Variants in SDHB observed in about 807,000 individuals in gnomAD.
SDHB encodes succinate dehydrogenase complex iron sulfur subunit B, also known as succinate dehydrogenase [ubiquinone] iron-sulfur subunit, mitochondrial.
SDHB carries 21 observed loss-of-function variants against 39.7 expected under a neutral mutation model. That is an observed-to-expected ratio of 0.53 (90% CI 0.37 to 0.76). SDHB has a LOEUF of 0.76. Ranked by LOEUF, SDHB falls within the 30% of genes least tolerant of loss-of-function variation. The pLI, the probability that SDHB is intolerant of heterozygous loss-of-function variation, is 0.00. For missense variants in SDHB, 343 were observed against 350.9 expected (o/e 0.98, Z 0.18); for synonymous variants, 118 against 117.0 (o/e 1.01, Z -0.06).
Position 17,051,705 on chromosome 1 carries a change from G to A in SDHB, c.72+2243C>T, listed in dbSNP as rs1397489054. ...TCATAAGATAACCCGGGGGAGGGGG[G>A]GTCAAGTTTCTAGCATAGCCCAGAA... is the stretch of plus-strand genomic sequence containing the variant. On this transcript the variant is annotated intron_variant, in intron 1 of 7. Coordinates refer to ENST00000375499, the MANE Select transcript of SDHB (RefSeq NM_003000.3). Among the ~76,000 whole-genome samples the A allele has an allele frequency of 2.4e-4, 36 of 150,864 alleles. 1 individual carries two copies. The highest frequency in any genetic ancestry group is 6.6e-5 in the Admixed American group (1 of 15,080).
chr1:17,041,493 A>G (rs1314537359), intron 2 of SDHB, among the ~76,000 whole-genome samples: 4 of 152,044 alleles, frequency 2.6e-5, no homozygotes, highest in Non-Finnish European at 1.5e-5. Context: ...AACATGGCGA[A>G]ACCCCAACTC....
intron 2 of SDHB, among the ~76,000 whole-genome samples, chr1:17,041,102 CCTGGATGACAGAGCAAGACTCCGTCTCA>C (rs2078077690): frequency 6.6e-6 from 1 of 151,828 alleles, no homozygotes; most frequent in Admixed American, 6.6e-5. Context: ...TGCACTCCAG[CCTGGATGACAGAGCAAGACTCCGTCTCA>C]AGAAACAAAC....
chr1:17,033,209 T>C (rs41310418), intron 2 of SDHB, 64 bp from the exon 3 acceptor site: 24 of 1,255,602 alleles, frequency 1.9e-5, no homozygotes, highest in Non-Finnish European at 2.6e-5. Context: ...TTTATCATAA[T>C]ATAATCGGAG....
chr1:17,028,326 G>C (rs896838035), intron 4 of SDHB, among the ~76,000 whole-genome samples: 1 of 152,154 alleles, frequency 6.6e-6, no homozygotes, highest in Non-Finnish European at 1.5e-5. Context: ...TGAGCTGCTG[G>C]AGGATTTTCT....
At chr1:17,022,565 T>G (rs752795496) in intron 7 of SDHB, 43 bp downstream of exon 7, 20 of 1,611,098 alleles carry the variant, frequency 1.2e-5, no homozygotes, top group Non-Finnish European at 1.7e-5. Flanking sequence ...ACTTCTGGCG[T>G]GTCAGCTCTG....
intron 1 of SDHB, among the ~76,000 whole-genome samples, chr1:17,050,174 A>T (rs1019698807): frequency 6.6e-6 from 1 of 152,322 alleles, no homozygotes; most frequent in East Asian, 1.9e-4. Flanking sequence ...AGTTTGTATT[A>T]GAGCTAATTT....
intron 1 of SDHB, among the ~76,000 whole-genome samples, chr1:17,051,336 G>A (rs2078146157): frequency 6.6e-6 from 1 of 152,284 alleles, no homozygotes; most frequent in African/African-American, 2.4e-5. Context: ...TTTAAGCAAG[G>A]TAAGCAACAA....
intron 3 of SDHB, among the ~76,000 whole-genome samples, chr1:17,031,835 A>G (rs1219329934): frequency 6.6e-5 from 10 of 152,088 alleles, no homozygotes; most frequent in Non-Finnish European, 1.5e-4. Flanking sequence ...TCAGTGCCTG[A>G]GAGAGCAGAT....
chr1:17,044,355 C>T (rs2078096903), intron 2 of SDHB, among the ~76,000 whole-genome samples: 1 of 147,864 alleles, frequency 6.8e-6, no homozygotes, highest in Non-Finnish European at 1.5e-5. Flanking sequence ...GACAGAGTCT[C>T]ACTCTGTTGC....
At chr1:17,028,870 C>T (rs2078006324) in intron 3 of SDHB, 134 bp from the exon 4 acceptor site, 3 of 1,097,850 alleles carry the variant, frequency 2.7e-6, no homozygotes, top group Non-Finnish European at 2.7e-6. Flanking sequence ...GACAGAGGTG[C>T]CTGTTGGCTT....
intron 5 of SDHB, 49 bp downstream of exon 5, chr1:17,027,700 T>A: frequency 8.9e-7 from 1 of 1,126,762 alleles, no homozygotes; most frequent in Non-Finnish European, 1.4e-6. Context: ...CTGGCAATCA[T>A]CTTTGCAATA....
At chr1:17,022,859 C>G in intron 6 of SDHB, 129 bp from the exon 7 acceptor site, 1 of 1,139,542 alleles carries the variant, frequency 8.8e-7, no homozygotes, top group Non-Finnish European at 1.3e-6. Flanking sequence ...TCTCCATACT[C>G]TTTAATTCTT....
Position 17,024,069 on chromosome 1 carries a change from C to T in SDHB, c.546G>A (p.Gly182=). The T allele has an allele frequency of 6.2e-7, 1 of 1,612,250 alleles. No individual in the cohort carries two copies. Among genetic ancestry groups the T allele is most frequent in the Non-Finnish European group, 8.5e-7 (1 of 1,179,108 alleles). Residue 182 remains glycine (G), a synonymous_variant, in exon 6 of 8, where the codon GGG becomes GGA. Coordinates refer to ENST00000375499, the MANE Select transcript of SDHB (RefSeq NM_003000.3). ...QSIEEREKLD[G]LYECILCACC... ...AGGCACAGAGAATGCACTCGTAGAG[C>T]CCGTCCTGTATGGGGAGAAAAGAGA...
intron 7 of SDHB, 151 bp downstream of exon 7, chr1:17,022,457 C>G (rs1327720859): frequency 9.1e-7 from 1 of 1,104,952 alleles, no homozygotes; most frequent in African/African-American, 1.5e-5. Context: ...CAAACTAGCC[C>G]CTAGGCTCAC....
chr1:17,053,555 C>A (rs948764281), intron 1 of SDHB, among the ~76,000 whole-genome samples: 4 of 152,158 alleles, frequency 2.6e-5, no homozygotes, highest in Non-Finnish European at 5.9e-5. Context: ...ATCCTTCACA[C>A]CCCGCAGGTC....
At chr1:17,019,314 A>G (rs2077948230) in intron 7 of SDHB, among the ~76,000 whole-genome samples, 1 of 152,232 alleles carries the variant, frequency 6.6e-6, no homozygotes, top group Non-Finnish European at 1.5e-5. Flanking sequence ...TCAGCCAGAC[A>G]TCTCTAAATC....
chr1:17,053,432 C>A (rs2078159462), intron 1 of SDHB, among the ~76,000 whole-genome samples: 1 of 152,098 alleles, frequency 6.6e-6, no homozygotes, highest in Non-Finnish European at 1.5e-5. Context: ...GGGTGCATTT[C>A]CCTCCATCTC....
intron 2 of SDHB, among the ~76,000 whole-genome samples, chr1:17,041,687 AAAG>A (rs1416317703): frequency 2.0e-5 from 3 of 152,186 alleles, no homozygotes; most frequent in Non-Finnish European, 2.9e-5. Context: ...AAAAGAAAAA[AAAG>A]AAAAATTAAT....
chr1:17,020,602 C>G (rs2077955915), intron 7 of SDHB, among the ~76,000 whole-genome samples: 1 of 152,234 alleles, frequency 6.6e-6, no homozygotes. Flanking sequence ...AAGAAACACA[C>G]AGCCAGGCCC....
Sources: allele counts gnomAD v4.1 joint callset (sites outside exome capture counted in the v4.1 genomes callset), GRCh38; gene constraint gnomAD v4.1.1; transcripts MANE v1.5; gene names NCBI Gene and HGNC (gene_info 2026-07-23, HGNC 2026-07-21).